The following NHSL1 variants were observed in gnomAD, a reference collection of about 807,000 sequenced individuals.
NHSL1 encodes the protein NHS like 1, also known as NHS-like protein 1.
Under a neutral mutation model 95.0 loss-of-function variants are expected in NHSL1, and 48 were observed. The observed-to-expected ratio is 0.51, with a 90% CI of 0.40 to 0.64. The LOEUF (loss-of-function observed/expected upper bound fraction) is 0.64. Ranked by LOEUF, NHSL1 falls within the 30% of genes least tolerant of loss-of-function variation. NHSL1 has a pLI of 0.00. For missense variants in NHSL1, 1,971 were observed against 2,077.7 expected, an observed-to-expected ratio of 0.95 and a Z score of 1.00; for synonymous variants, 783 against 833.9, an observed-to-expected ratio of 0.94 and a Z score of 1.05.
chr6:138,556,485 A>G (rs1783200224), intron 1 of NHSL1, among the ~76,000 whole-genome samples: 1 of 151,318 alleles, frequency 6.6e-6, no homozygotes, highest in South Asian at 2.1e-4. Flanking sequence ...TGTAATCTCT[A>G]TTTTCAATTA....
Position 138,430,857 on chromosome 6 carries a change from C to G in NHSL1, c.3488G>C (p.Ser1163Thr). 1 of 1,551,074 alleles carries G rather than the reference C, an allele frequency of 6.4e-7. No homozygotes were observed. Among genetic ancestry groups the G allele is most frequent in the Non-Finnish European group, 8.7e-7 (1 of 1,146,846 alleles). The change falls in exon 6 of 8, where the codon AGC becomes ACC. Residue 1163 changes from serine to threonine, a missense_variant. Physicochemically the swap from Ser to Thr is moderately conservative, Grantham distance 58. Coordinates refer to ENST00000343505, the MANE Select transcript of NHSL1 (RefSeq NM_001144060.2). The surrounding 1 kb of genome is among the most constrained non-coding windows in gnomAD (Gnocchi z 4.7). ...AAERGGPVSR[S>T]PGAPSAGEAE... ...CTCCCCAGCGCTTGGAGCTCCAGGGCTGCGGCTCACAGGGCCACCACGCTC... is the reference window on the plus strand; with the variant it reads ...CTCCCCAGCGCTTGGAGCTCCAGGGGTGCGGCTCACAGGGCCACCACGCTC...
At chr6:138,605,097 C>G (rs1784416073) in intron 1 of NHSL1, among the ~76,000 whole-genome samples, 2 of 152,192 alleles carry the variant, frequency 1.3e-5, no homozygotes, top group South Asian at 4.1e-4. Context: ...CAGCTTCTCC[C>G]AACAGTAACA....
At chr6:138,525,183 T>G (rs1409840470) in intron 1 of NHSL1, among the ~76,000 whole-genome samples, 2 of 152,044 alleles carry the variant, frequency 1.3e-5, no homozygotes, top group Non-Finnish European at 2.9e-5. Flanking sequence ...CGATTCTGGG[T>G]GCAATATTGT....
intron 3 of NHSL1, among the ~76,000 whole-genome samples, chr6:138,455,236 C>T (rs935558025): frequency 3.3e-5 from 5 of 152,188 alleles, no homozygotes; most frequent in Non-Finnish European, 5.9e-5. Flanking sequence ...GGAGTAATCA[C>T]TTCTCGACTG....
chr6:138,519,880 G>A (rs1176951961), intron 1 of NHSL1, among the ~76,000 whole-genome samples: 12 of 152,100 alleles, frequency 7.9e-5, no homozygotes. Context: ...ATATTTGAGA[G>A]CCATCCCTTA....
chr6:138,657,814 C>CAAAAAAAAAAAAAAAA (rs1051789759), intron 1 of NHSL1, among the ~76,000 whole-genome samples: 2 of 33,034 alleles, frequency 6.1e-5, no homozygotes, highest in African/African-American at 2.1e-4. Flanking sequence ...GACTCCATCT[C>CAAAAAAAAAAAAAAAA]AAAAAAAAAA....
intron 1 of NHSL1, among the ~76,000 whole-genome samples, chr6:138,618,023 T>C (rs1351821739): frequency 6.6e-6 from 1 of 152,224 alleles, no homozygotes; most frequent in Non-Finnish European, 1.5e-5. Flanking sequence ...AAACCTCTGT[T>C]AGCAAATTCA....
chr6:138,548,408 C>T (rs1391951833), upstream of NHSL1, among the ~76,000 whole-genome samples: 2 of 152,172 alleles, frequency 1.3e-5, no homozygotes, highest in African/African-American at 2.4e-5. Flanking sequence ...CAACCTGTGG[C>T]CCACATGCAG....
At chr6:138,473,010 C>T (rs1029491452) in intron 3 of NHSL1, among the ~76,000 whole-genome samples, 2 of 152,200 alleles carry the variant, frequency 1.3e-5, no homozygotes, top group Non-Finnish European at 2.9e-5. Flanking sequence ...ACTGATTTTA[C>T]GTCTCCTTTA....
chr6:138,509,184 T>C (rs960653375), intron 1 of NHSL1, among the ~76,000 whole-genome samples: 2 of 152,234 alleles, frequency 1.3e-5, no homozygotes, highest in Non-Finnish European at 2.9e-5. Context: ...CCTGTGCTAT[T>C]TATACTTAAC....
upstream of NHSL1, among the ~76,000 whole-genome samples, chr6:138,577,051 A>C (rs9495139): frequency 0.17 from 25,334 of 152,184 alleles, 3,173 homozygotes; most frequent in African/African-American, 0.36. Context: ...ATTTGGAAAG[A>C]TTTATCTATG....
chr6:138,584,291 T>TGTTTCTATATTCAATC (rs11275547), intron 1 of NHSL1, among the ~76,000 whole-genome samples: 70,918 of 152,010 alleles, frequency 0.47, 18,636 homozygotes, highest in African/African-American at 0.71. Flanking sequence ...TTGATCTCTA[T>TGTTTCTATATTCAATC]TGCAAATTTG....
At chr6:138,663,186 A>G (rs1385022530) in intron 1 of NHSL1, among the ~76,000 whole-genome samples, 1 of 152,208 alleles carries the variant, frequency 6.6e-6, no homozygotes. Context: ...TAACAGCAAA[A>G]GATGTTACGA....
Position 138,430,321 on chromosome 6 carries a change from C to T in NHSL1, c.3952+72G>A. Reference sequence around the variant, plus strand: ...TGGGTTCTTTCCACGTGTGAGCATTCAACAACCCTATCTGGTTCAGCTGCA... The same window carrying T: ...TGGGTTCTTTCCACGTGTGAGCATTTAACAACCCTATCTGGTTCAGCTGCA... On this transcript the variant is annotated intron_variant, in intron 6 of 7. Transcript: ENST00000343505. This position sits in a 1 kb window ranked among gnomAD's most constrained non-coding sequence, Gnocchi z 4.7. 1 of 1,416,560 alleles carries T rather than the reference C, an allele frequency of 7.1e-7. No individual in the cohort carries two copies. Among genetic ancestry groups the T allele is most frequent in the Non-Finnish European group, 9.3e-7 (1 of 1,080,928 alleles). 87.7% of individuals were successfully genotyped at this position (1,416,560 alleles called of 1,614,324 possible).
chr6:138,571,289 T>C (rs899520924), intron 1 of NHSL1, among the ~76,000 whole-genome samples: 16 of 152,224 alleles, frequency 1.1e-4, no homozygotes, highest in African/African-American at 3.9e-4. Context: ...AGAAGAAGGA[T>C]GCAAGAAGAC....
chr6:138,597,718 T>C (rs1254502072), intron 1 of NHSL1, among the ~76,000 whole-genome samples: 2 of 152,184 alleles, frequency 1.3e-5, no homozygotes, highest in Non-Finnish European at 2.9e-5. Flanking sequence ...CAGTTTTGTG[T>C]GAGCAATGAA....
intron 1 of NHSL1, among the ~76,000 whole-genome samples, chr6:138,562,744 A>G (rs577979115): frequency 1.3e-4 from 20 of 151,762 alleles, no homozygotes; most frequent in Non-Finnish European, 2.8e-4. Context: ...AATCCCTTCA[A>G]CGAGAACTTT....
chr6:138,501,252 A>G (rs1780659016), upstream of NHSL1, among the ~76,000 whole-genome samples: 1 of 152,210 alleles, frequency 6.6e-6, no homozygotes, highest in Non-Finnish European at 1.5e-5. Context: ...AGAAAGATAA[A>G]TACCAGGCAC....
rs1035070523 is a variant in NHSL1 at position 138,432,016 on chromosome 6, T to C, written c.2329A>G (p.Thr777Ala). ...TCAATGTAATAACCCCAGGGGTCCG[T>C]GTACTCTGACTTGACGCTGCTTGTG... ...SDTSSVKSEY[T>A]DPWGYYIDYT... Residue 777 changes from threonine (T) to alanine (A), a missense_variant, in exon 6 of 8, where the codon ACG becomes GCG. This residue lies in a region of NHSL1 where 1,602 missense variants were observed against 1,654.5 expected (regional missense o/e 0.97). Transcript: ENST00000343505. This position sits in a 1 kb window ranked among gnomAD's most constrained non-coding sequence, Gnocchi z 4.4. 10 of 1,551,588 alleles carry C rather than the reference T, an allele frequency of 6.4e-6. No individual in the cohort carries two copies. Among genetic ancestry groups the C allele is most frequent in the South Asian group, 3.6e-5 (3 of 84,064 alleles).
Sources: allele counts gnomAD v4.1 joint callset (sites outside exome capture counted in the v4.1 genomes callset), GRCh38; gene constraint gnomAD v4.1.1; regional missense constraint gnomAD v4.1.1; non-coding constraint Gnocchi (gnomAD v3.1); transcripts MANE v1.5; gene names NCBI Gene and HGNC (gene_info 2026-07-23, HGNC 2026-07-21).